The following ZNF536 variants were observed in gnomAD, a reference collection of about 807,000 sequenced individuals.
The protein encoded by ZNF536 is zinc finger protein 536.
A neutral mutation model predicts 84.5 loss-of-function variants in ZNF536; 13 were observed. That is an observed-to-expected ratio of 0.15 (90% CI 0.10 to 0.24). The LOEUF (loss-of-function observed/expected upper bound fraction) is 0.24. Among genes scored for constraint, ZNF536 ranks in the 10% least tolerant of loss-of-function variants. The pLI is 1.00. For synonymous variants in ZNF536, 811 were observed against 742.5 expected (o/e 1.09, Z -1.50); for missense variants, 1,536 against 1,747.5 (o/e 0.88, Z 2.16).
At chr19:30,567,680 C>T (rs377700172) in intron 1 of ZNF536, among the ~76,000 whole-genome samples, 2 of 152,242 alleles carry the variant, frequency 1.3e-5, no homozygotes, top group Admixed American at 6.5e-5. Context: ...CCCCCAACCG[C>T]GACAGCAGCG....
chr19:30,689,705 G>T (rs2051333448), intron 1 of ZNF536, among the ~76,000 whole-genome samples: 1 of 152,202 alleles, frequency 6.6e-6, no homozygotes, highest in Non-Finnish European at 1.5e-5. Flanking sequence ...GCCTTCCTGA[G>T]ACAGCGTTCC....
intron 2 of ZNF536, among the ~76,000 whole-genome samples, chr19:30,495,596 A>G (rs1022787954): frequency 6.6e-6 from 1 of 152,238 alleles, no homozygotes; most frequent in African/African-American, 2.4e-5. Context: ...TCTTATACAC[A>G]TGGAGCGTAG....
downstream of ZNF536, among the ~76,000 whole-genome samples, chr19:30,561,352 G>A (rs1377838115): frequency 6.6e-6 from 1 of 152,168 alleles, no homozygotes; most frequent in Non-Finnish European, 1.5e-5. Flanking sequence ...TTTTGCTGAG[G>A]TGCACAGTGG....
At chr19:30,704,783 T>G (rs2052154758) in intron 1 of ZNF536, among the ~76,000 whole-genome samples, 1 of 152,010 alleles carries the variant, frequency 6.6e-6, no homozygotes, top group African/African-American at 2.4e-5. Context: ...AGATCTGACT[T>G]CTTCCAAACC....
chr19:30,377,282 G>C (rs146228508), intron 1 of ZNF536, among the ~76,000 whole-genome samples: 1 of 152,028 alleles, frequency 6.6e-6, no homozygotes, highest in Non-Finnish European at 1.5e-5. Context: ...TGTGGGCCGC[G>C]CTCACAGAAC....
Position 30,414,212 on chromosome 19 carries a change from T to TATA in ZNF536, c.-2-29348_-2-29346dup, listed in dbSNP as rs560236184. Among the ~76,000 whole-genome samples, 20 of 152,268 alleles carry TATA rather than the reference T, an allele frequency of 1.3e-4. 1 individual carries two copies. The South Asian group carries it at 4.1e-3, about 32-fold the overall frequency. On this transcript the variant is annotated intron_variant, in intron 1 of 4. Transcript: ENST00000355537. ...TTTGTTTTATTGATGTTGCTTTGTA[T>TATA]ATATCTTTTCCATTCTTAAATTTTC... is the stretch of plus-strand genomic sequence containing the variant.
At chr19:30,482,379 A>G (rs889745894) in intron 2 of ZNF536, among the ~76,000 whole-genome samples, 2 of 152,206 alleles carry the variant, frequency 1.3e-5, no homozygotes, top group Non-Finnish European at 2.9e-5. Flanking sequence ...AACTTCCCCA[A>G]TGTCACACAG....
intron 1 of ZNF536, among the ~76,000 whole-genome samples, chr19:30,645,565 C>T (rs1456001474): frequency 6.6e-6 from 1 of 152,116 alleles, no homozygotes; most frequent in African/African-American, 2.4e-5. Context: ...CCTCAGTGAC[C>T]TTTTAAATAT....
chr19:30,461,653 G>A (rs1382722021), intron 2 of ZNF536, among the ~76,000 whole-genome samples: 5 of 152,204 alleles, frequency 3.3e-5, no homozygotes, highest in Non-Finnish European at 7.3e-5. Context: ...TGAGGCCCCA[G>A]GAGCATGGGC....
intron 1 of ZNF536, among the ~76,000 whole-genome samples, chr19:30,585,763 T>C (rs1034946046): frequency 5.9e-5 from 9 of 152,104 alleles, no homozygotes; most frequent in Non-Finnish European, 8.8e-5. Flanking sequence ...CCTCCTGCCC[T>C]CCTACCCGTC....
Position 30,410,135 on chromosome 19 carries a change from C to T in ZNF536, c.-2-33426C>T, listed in dbSNP as rs1430763587. 4.6e-5 allele frequency among the ~76,000 whole-genome samples: 7 copies of T among 152,082 alleles called. No individual in the cohort carries two copies. In the East Asian group the frequency reaches 1.4e-3, roughly 29 times the overall value. On this transcript the variant is annotated intron_variant, in intron 1 of 4. Transcript: ENST00000355537. Reference sequence around the variant, plus strand: ...AAGTGATTAAATCTTTTAATGTATTCCTTTACTTTTTAGTGCCATGCTTTG... The same window carrying T: ...AAGTGATTAAATCTTTTAATGTATTTCTTTACTTTTTAGTGCCATGCTTTG...
intron 2 of ZNF536, among the ~76,000 whole-genome samples, chr19:30,470,327 T>C (rs1480618295): frequency 1.3e-5 from 2 of 152,232 alleles, no homozygotes; most frequent in Non-Finnish European, 2.9e-5. Flanking sequence ...CTGTTGTTAA[T>C]ATCACTGTGG....
chr19:30,529,332 G>A (rs900192201), intron 2 of ZNF536, among the ~76,000 whole-genome samples: 9 of 152,162 alleles, frequency 5.9e-5, no homozygotes, highest in Non-Finnish European at 1.5e-5. Context: ...AACCTCAGGG[G>A]TGGTTTCAGA....
chr19:30,574,938 C>T (rs890932286), intron 1 of ZNF536, among the ~76,000 whole-genome samples: 6 of 152,092 alleles, frequency 3.9e-5, no homozygotes, highest in East Asian at 1.9e-4. Context: ...AGCCATGCAT[C>T]GGAAAGTGAT....
chr19:30,305,060 G>C (rs1416484976), intron 2 of ZNF536, among the ~76,000 whole-genome samples: 1 of 152,176 alleles, frequency 6.6e-6, no homozygotes, highest in Non-Finnish European at 1.5e-5. Context: ...GGAGTAGGAG[G>C]GCTGAAGCTT....
chr19:30,514,796 C>T (rs908435588), intron 2 of ZNF536, among the ~76,000 whole-genome samples: 3 of 152,024 alleles, frequency 2.0e-5, no homozygotes, highest in African/African-American at 7.2e-5. Context: ...CGTGAGGACC[C>T]CTCATTGTTG....
At chr19:30,633,667 G>A (rs550360036) in intron 1 of ZNF536, among the ~76,000 whole-genome samples, 1 of 152,208 alleles carries the variant, frequency 6.6e-6, no homozygotes, top group African/African-American at 2.4e-5. Context: ...TTCATATAAT[G>A]TTCCCCAATT....
intron 1 of ZNF536, among the ~76,000 whole-genome samples, chr19:30,676,634 T>C (rs898112167): frequency 6.6e-6 from 1 of 152,248 alleles, no homozygotes; most frequent in Non-Finnish European, 1.5e-5. Flanking sequence ...TGATATAGGA[T>C]GGTGTTTGCA....
chr19:30,555,622 C>T (rs1042097093), intron 4 of ZNF536: 20 of 152,168 alleles, frequency 1.3e-4, no homozygotes, highest in Admixed American at 3.3e-4. Context: ...CAGTCTTTGA[C>T]CAAGAAACGG....
Sources: allele counts gnomAD v4.1 joint callset (sites outside exome capture counted in the v4.1 genomes callset), GRCh38; gene constraint gnomAD v4.1.1; transcripts MANE v1.5; gene names NCBI Gene and HGNC (gene_info 2026-07-23, HGNC 2026-07-21).